ADGRF3: variants seen among roughly 807,000 people sequenced by gnomAD.
ADGRF3 encodes adhesion G protein-coupled receptor F3.
In ADGRF3, 85 loss-of-function variants were observed where a neutral mutation model predicts 93.2. That is an observed-to-expected ratio of 0.91 (90% CI 0.77 to 1.09). The LOEUF (loss-of-function observed/expected upper bound fraction) is 1.09, where lower values mean the gene tolerates loss of function less well. Ranked by LOEUF, ADGRF3 falls within the 50% of genes least tolerant of loss-of-function variation. The pLI is 0.00. For synonymous variants in ADGRF3, 534 were observed against 532.5 expected (o/e 1.00, Z -0.04); for missense variants, 1,125 against 1,246.2 (o/e 0.90, Z 1.46).
chr2:26,331,521 C>T (rs933744252), intron 1 of ADGRF3, among the ~76,000 whole-genome samples: 1 of 152,174 alleles, frequency 6.6e-6, no homozygotes, highest in Non-Finnish European at 1.5e-5. Flanking sequence ...TTCACTCCAG[C>T]CTGGGTGAAA....
At chr2:26,318,203 A>C in intron 1 of ADGRF3, 227 of 888,876 alleles carry the variant, frequency 2.6e-4, no homozygotes, top group Non-Finnish European at 3.5e-4. Context: ...GGAGGGGCTC[A>C]CTGTGTCACA....
chr2:26,339,144 CAAAGA>C (rs1276118714), intron 1 of ADGRF3, among the ~76,000 whole-genome samples: 1 of 131,450 alleles, frequency 7.6e-6, no homozygotes, highest in Non-Finnish European at 1.6e-5. Context: ...AAAAGCAAAG[CAAAGA>C]AAAGAAAGAA....
Position 26,310,754 on chromosome 2 carries a change from T to C in ADGRF3, c.2770A>G (p.Thr924Ala). ...ACCGTGGAGACTTCCTCTAACAGAG[T>C]GGCCAGGCCCAGCCCCCAGGTGAGG... ...FGLTWGLGLA[T>A]LLEEVSTVPH... is the part of the protein sequence containing the mutation. Residue 924 changes from threonine to alanine, a missense_variant, in exon 10 of 14, where the codon ACT (threonine) becomes GCT (alanine). Physicochemically the swap from Thr to Ala is moderately conservative, Grantham distance 58. Coordinates refer to ENST00000651242, the MANE Select transcript of ADGRF3 (RefSeq NM_001321971.2). The C allele has an allele frequency of 1.9e-6, 3 of 1,613,222 alleles. No individual in the cohort carries two copies. The highest frequency in any genetic ancestry group is 8.5e-7 in the Non-Finnish European group (1 of 1,179,586).
At chr2:26,309,419 G>C in intron 13 of ADGRF3, 107 bp downstream of exon 13, 2 of 1,546,452 alleles carry the variant, frequency 1.3e-6, no homozygotes, top group Non-Finnish European at 1.7e-6. Flanking sequence ...GTGTGGGCTG[G>C]GTATAGAAAG....
At chr2:26,322,192 G>T (rs1451074809) in intron 1 of ADGRF3, among the ~76,000 whole-genome samples, 8 of 149,030 alleles carry the variant, frequency 5.4e-5, no homozygotes, top group African/African-American at 1.7e-4. Context: ...TGAGGGAGGA[G>T]AATCGCCTGA....
intron 1 of ADGRF3, among the ~76,000 whole-genome samples, chr2:26,319,578 C>CTTTCT (rs1219983617): frequency 7.4e-5 from 4 of 53,926 alleles, no homozygotes; most frequent in East Asian, 7.8e-4. Context: ...TTCCTTCCTT[C>CTTTCT]CTTCCTTCCT....
In ADGRF3 at chr2:26,310,733, T is replaced by C; in HGVS notation, c.2791A>G (p.Thr931Ala). 1 of 1,613,120 alleles carries C rather than the reference T, an allele frequency of 6.2e-7. No homozygotes were observed. ...GLATLLEEVS[T>A]VPHYIFTILN... Reference sequence around the variant, plus strand: ...ATGGTGAAGATGTAATGAGGGACCGTGGAGACTTCCTCTAACAGAGTGGCC... The same window carrying C: ...ATGGTGAAGATGTAATGAGGGACCGCGGAGACTTCCTCTAACAGAGTGGCC... The change falls in exon 10 of 14, where the codon ACG becomes GCG. Residue 931 changes from threonine (T) to alanine (A), a missense_variant. Physicochemically the swap from Thr to Ala is moderately conservative, Grantham distance 58. Coordinates refer to ENST00000651242, the MANE Select transcript of ADGRF3 (RefSeq NM_001321971.2).
rs1676004418 is a variant in ADGRF3 at position 26,335,752 on chromosome 2, A to G, written c.114+10369T>C. Among the ~76,000 whole-genome samples the G allele has an allele frequency of 2.0e-5, 3 of 152,106 alleles. No homozygotes were observed. In the South Asian group the frequency reaches 6.2e-4, roughly 32 times the overall value. On this transcript the variant is annotated intron_variant, in intron 1 of 13. Coordinates refer to ENST00000651242, the MANE Select transcript of ADGRF3 (RefSeq NM_001321971.2). ...AGTTTAAGTTCTTATATAATTGGGC[A>G]TTTGATTGCCTGCTTTCCCCTCTGC...
Position 26,313,843 on chromosome 2 carries a change from A to T in ADGRF3, c.989T>A (p.Met330Lys), listed in dbSNP as rs1251458543. 1.9e-6 allele frequency: 3 copies of T among 1,614,016 alleles called. No homozygotes were observed. Among genetic ancestry groups the T allele is most frequent in the South Asian group, 2.2e-5 (2 of 91,084 alleles). ...GTCACAAGCGTACGTGGTGTCAGCCATCGGGCAGCGCTGAACAGCCAGCAC... is the reference window on the plus strand; with the variant it reads ...GTCACAAGCGTACGTGGTGTCAGCCTTCGGGCAGCGCTGAACAGCCAGCAC... ...CFVLAVQRCP[M>K]ADTTYACDLQ... The change falls in exon 7 of 14, where the codon ATG (methionine) becomes AAG (lysine). Residue 330 changes from methionine (M) to lysine (K), a missense_variant. Met to Lys is a moderately conservative substitution (Grantham distance 95). Transcript: ENST00000651242.
At chr2:26,309,635 C>G in intron 12 of ADGRF3, 54 bp from the exon 13 acceptor site, 2 of 1,587,188 alleles carry the variant, frequency 1.3e-6, no homozygotes, top group Non-Finnish European at 1.7e-6. Context: ...ATTGTCAACT[C>G]TCCCTTGAAG....
chr2:26,315,595 C>T lies in ADGRF3; in HGVS notation c.645G>A (p.Gly215=). Reference sequence around the variant, plus strand: ...GGCTGGAAGTCACAGACACCTGTGTCCCTGGCTGCAGGAGGATGGGACTGG... The same window carrying T: ...GGCTGGAAGTCACAGACACCTGTGTTCCTGGCTGCAGGAGGATGGGACTGG... ...GSPSPILLQP[G]TQVSVTSSHG... is the part of the protein sequence containing the mutation. Residue 215 remains glycine, a synonymous_variant, in exon 5 of 14, where the codon GGG becomes GGA. Coordinates refer to ENST00000651242, the MANE Select transcript of ADGRF3 (RefSeq NM_001321971.2). 1 of 1,551,616 alleles carries T rather than the reference C, an allele frequency of 6.4e-7. No homozygotes were observed. Among genetic ancestry groups the T allele is most frequent in the Non-Finnish European group, 8.7e-7 (1 of 1,146,994 alleles).
intron 1 of ADGRF3, among the ~76,000 whole-genome samples, chr2:26,344,922 G>A (rs967031664): frequency 2.0e-5 from 3 of 152,164 alleles, no homozygotes; most frequent in Non-Finnish European, 4.4e-5. Context: ...GATTAGACAT[G>A]TAGTAATAAT....
At chr2:26,342,530 T>A (rs533170812) in intron 1 of ADGRF3, among the ~76,000 whole-genome samples, 1 of 152,208 alleles carries the variant, frequency 6.6e-6, no homozygotes, top group Non-Finnish European at 1.5e-5. Context: ...CTCCAGGAAC[T>A]TAAAACACTT....
intron 1 of ADGRF3, among the ~76,000 whole-genome samples, chr2:26,336,377 T>C (rs2147920416): frequency 6.6e-6 from 1 of 151,850 alleles, no homozygotes; most frequent in South Asian, 2.1e-4. Flanking sequence ...TGTGTATGTG[T>C]GTCTGTTGGA....
At chr2:26,343,564 C>G (rs768894746) in intron 1 of ADGRF3, among the ~76,000 whole-genome samples, 7 of 152,060 alleles carry the variant, frequency 4.6e-5, no homozygotes, top group Non-Finnish European at 5.9e-5. Context: ...CTCAGCCTTC[C>G]GAGTAGCTGG....
chr2:26,340,155 A>G (rs1676290850), intron 1 of ADGRF3, among the ~76,000 whole-genome samples: 1 of 152,204 alleles, frequency 6.6e-6, no homozygotes, highest in East Asian at 1.9e-4. Context: ...CTAGACTTAT[A>G]GACAACAGTG....
chr2:26,317,075 A>T lies in ADGRF3; in HGVS notation c.182-20T>A. 6.3e-7 allele frequency: 1 copy of T among 1,598,382 alleles called. No homozygotes were observed. Among genetic ancestry groups the T allele is most frequent in the Non-Finnish European group, 8.5e-7 (1 of 1,173,682 alleles). On this transcript the variant is annotated intron_variant, in intron 2 of 13. Transcript: ENST00000651242. ...CTGATTCTACAGGAGCAGAGGGGAC[A>T]GCTGGAGAGGACAGGCAGCGAGGCC...
Position 26,334,072 on chromosome 2 carries a change from C to T in ADGRF3, c.114+12049G>A, listed in dbSNP as rs555010578. 8.0e-4 allele frequency among the ~76,000 whole-genome samples: 122 copies of T among 151,634 alleles called. 1 individual carries two copies. The highest frequency in any genetic ancestry group is 2.8e-3 in the African/African-American group (116 of 41,364). On this transcript the variant is annotated intron_variant, in intron 1 of 13. Coordinates refer to ENST00000651242, the MANE Select transcript of ADGRF3 (RefSeq NM_001321971.2). ...AACTCCTGACCTCAAGTGATCTGCTCGCCTCAGCCTCCTAAAGTGCGTGAG... is the reference window on the plus strand; with the variant it reads ...AACTCCTGACCTCAAGTGATCTGCTTGCCTCAGCCTCCTAAAGTGCGTGAG...
intron 1 of ADGRF3, chr2:26,318,748 A>G (rs1674920673): frequency 4.4e-6 from 3 of 688,892 alleles, no homozygotes; most frequent in African/African-American, 1.8e-5. Context: ...CAGGGACTCA[A>G]ATAAGGAAAC....
Sources: gnomAD v4.1 joint callset for allele counts (sites outside exome capture counted in the v4.1 genomes callset) on GRCh38, gnomAD v4.1.1 for gene constraint, MANE v1.5 for transcripts, NCBI Gene and HGNC (gene_info 2026-07-23, HGNC 2026-07-21) for gene names.